Variants in PCK2 observed in about 807,000 individuals in gnomAD.
PCK2 encodes phosphoenolpyruvate carboxykinase [GTP], mitochondrial.
PCK2 carries 56 observed loss-of-function variants against 65.9 expected under a neutral mutation model. The observed-to-expected ratio is 0.85, with a 90% CI of 0.69 to 1.06. PCK2 has a LOEUF of 1.06. Among genes scored for constraint, PCK2 ranks in the 50% least tolerant of loss-of-function variants. The pLI is 0.00. For missense variants in PCK2, 843 were observed against 863.1 expected (o/e 0.98, Z 0.29); for synonymous variants, 305 against 319.6 (o/e 0.95, Z 0.49).
intron 7 of PCK2, among the ~76,000 whole-genome samples, chr14:24,100,910 A>G (rs1041276524): frequency 2.0e-5 from 3 of 152,204 alleles, no homozygotes; most frequent in African/African-American, 7.2e-5. Flanking sequence ...CCTCTCCCTC[A>G]GCCCTGCACT....
chr14:24,099,243 G>A lies in PCK2; in HGVS notation c.852+7G>A. On this transcript the variant is annotated splice_region_variant and intron_variant, in intron 5 of 9. Transcript: ENST00000216780. ...GCTGGCAGAGCACATGCTGGTGAGG[G>A]CCTGGTGAGAAGCAGGGCAGCTGCC... is the stretch of plus-strand genomic sequence containing the variant. 6.3e-7 allele frequency: 1 copy of A among 1,586,088 alleles called. No individual in the cohort carries two copies. The highest frequency in any genetic ancestry group is 8.6e-7 in the Non-Finnish European group (1 of 1,167,964).
chr14:24,099,794 A>C, intron 6 of PCK2, 74 bp downstream of exon 6: 1 of 1,528,174 alleles, frequency 6.5e-7, no homozygotes, highest in Non-Finnish European at 9.1e-7. Context: ...TAGTGTTCAC[A>C]ATGACTTTGT....
chr14:24,101,572 A>G (rs2037163093), intron 7 of PCK2, among the ~76,000 whole-genome samples: 2 of 152,156 alleles, frequency 1.3e-5, no homozygotes, highest in Non-Finnish European at 2.9e-5. Context: ...TTCCAGCCCT[A>G]TCACTTCATC....
chr14:24,100,070 A>G lies in PCK2; in HGVS notation c.1091A>G (p.Asn364Ser), dbSNP rs777031651. The G allele has an allele frequency of 6.2e-7, 1 of 1,612,954 alleles. No individual in the cohort carries two copies. Among genetic ancestry groups the G allele is most frequent in the African/African-American group, 1.3e-5 (1 of 74,984 alleles). The change falls in exon 7 of 10, where the codon AAC becomes AGC. Residue 364 changes from asparagine (N) to serine (S), a missense_variant. Transcript: ENST00000216780. ...GGTACCTCTGCCACCACCAATCCCAACGCCATGGCTACAATCCAGAGTAAC... is the reference window on the plus strand; with the variant it reads ...GGTACCTCTGCCACCACCAATCCCAGCGCCATGGCTACAATCCAGAGTAAC... ...APGTSATTNP[N>S]AMATIQSNTI...
chr14:24,094,359 C>G lies in PCK2; in HGVS notation c.-47C>G, dbSNP rs1197275899. The G allele has an allele frequency of 1.3e-6, 2 of 1,515,636 alleles. No homozygotes were observed. The highest frequency in any genetic ancestry group is 2.4e-5 in the South Asian group (2 of 83,552). 93.9% of individuals were successfully genotyped at this position (1,515,636 alleles called of 1,614,324 possible). A position where few individuals can be genotyped will look rare whatever the true frequency, so the allele number is the denominator to read the frequency against. ...TCCTTCCCCGCCTTCCATACCTCCC[C>G]GGCTCCGCTCGGTTCCTGGCCACCC... On this transcript the variant is annotated 5_prime_UTR_variant, in exon 1 of 10. Coordinates refer to ENST00000216780, the MANE Select transcript of PCK2 (RefSeq NM_004563.4). This position sits in a 1 kb window ranked among gnomAD's most constrained non-coding sequence, Gnocchi z 4.1.
At chr14:24,103,074 G>C (rs1594311164) in intron 8 of PCK2, 86 bp from the exon 9 acceptor site, 1 of 1,243,032 alleles carries the variant, frequency 8.0e-7, no homozygotes, top group South Asian at 1.2e-5. Flanking sequence ...TCTTAGGAGA[G>C]AGAGTACCAG....
At chr14:24,102,603 C>T in intron 7 of PCK2, 150 bp from the exon 8 acceptor site, 1 of 650,092 alleles carries the variant, frequency 1.5e-6, no homozygotes, top group Non-Finnish European at 2.7e-6. Context: ...TGCCCTGGCT[C>T]CCCTCTCTCT....
chr14:24,094,192 C>G, upstream of PCK2: 1 of 563,326 alleles, frequency 1.8e-6, no homozygotes, highest in Non-Finnish European at 3.1e-6. The surrounding 1 kb of genome is among the most constrained non-coding windows in gnomAD (Gnocchi z 4.1). Context: ...GAGCCTGGAG[C>G]CCCGGGGCCG....
At position 24,099,597 on chromosome 14, in the gene PCK2, G is replaced by A. The variant is rs763992590; in HGVS notation, c.892G>A (p.Val298Met). ...ITSPAGKKRY[V>M]AAAFPSACGK... ...CAGCCCTGCAGGGAAGAAGCGCTAT[G>A]TGGCAGCCGCCTTCCCTAGTGCCTG... The change falls in exon 6 of 10, where the codon GTG becomes ATG. Residue 298 changes from valine to methionine, a missense_variant. By Grantham distance (21) the Val-to-Met change is conservative (BLOSUM62 1). Transcript: ENST00000216780. The A allele has an allele frequency of 2.5e-6, 4 of 1,611,790 alleles. No homozygotes were observed. Among genetic ancestry groups the A allele is most frequent in the Non-Finnish European group, 3.4e-6 (4 of 1,178,744 alleles).
intron 4 of PCK2, 38 bp from the exon 5 acceptor site, chr14:24,099,011 T>C: frequency 6.6e-7 from 1 of 1,518,596 alleles, no homozygotes; most frequent in Admixed American, 1.7e-5. Context: ...CAGTTCCTGA[T>C]GCTGCTGCCA....
intron 7 of PCK2, 46 bp downstream of exon 7, chr14:24,100,259 C>T (rs780631374): frequency 6.2e-7 from 1 of 1,600,218 alleles, no homozygotes; most frequent in Non-Finnish European, 8.5e-7. Context: ...GGCCTCAGCA[C>T]CTTAATGGTG....
In PCK2 at chr14:24,103,747, G is replaced by T. The variant is rs539372532; in HGVS notation, c.1706G>T (p.Arg569Leu). The T allele has an allele frequency of 1.9e-6, 3 of 1,614,196 alleles. No homozygotes were observed. Among genetic ancestry groups the T allele is most frequent in the Non-Finnish European group, 2.5e-6 (3 of 1,180,034 alleles). The change falls in exon 10 of 10, where the codon CGA (arginine) becomes CTA (leucine). Residue 569 changes from arginine to leucine, a missense_variant. Arg to Leu is a moderately radical substitution (Grantham distance 102, BLOSUM62 -2). Transcript: ENST00000216780. Reference sequence around the variant, plus strand: ...CGGTTAGAGGGGGAGGACAGTGCCCGAGAGACACCCATTGGGCTGGTGCCA... The same window carrying T: ...CGGTTAGAGGGGGAGGACAGTGCCCTAGAGACACCCATTGGGCTGGTGCCA... ...CRRLEGEDSA[R>L]ETPIGLVPKE...
intron 9 of PCK2, 65 bp from the exon 10 acceptor site, chr14:24,103,445 T>G: frequency 6.5e-6 from 9 of 1,379,010 alleles, no homozygotes; most frequent in African/African-American, 1.4e-5. Flanking sequence ...TCCAACTGGA[T>G]GCAGGGTGCC....
rs2036908040 is a variant in PCK2, at chr14:24,096,877, C to G, written c.30-15C>G. The G allele has an allele frequency of 6.2e-7, 1 of 1,606,224 alleles. No individual in the cohort carries two copies. Among genetic ancestry groups the G allele is most frequent in the East Asian group, 2.2e-5 (1 of 44,692 alleles). ...GATGACAGCAACTAGCTCATTGCCT[C>G]TGTTTCTCCTATAGGCTTAACTGGC... On this transcript the variant is annotated splice_polypyrimidine_tract_variant and intron_variant, in intron 1 of 9. Coordinates refer to ENST00000216780, the MANE Select transcript of PCK2 (RefSeq NM_004563.4).
At chr14:24,098,922 G>C in intron 4 of PCK2, 127 bp from the exon 5 acceptor site, 1 of 781,440 alleles carries the variant, frequency 1.3e-6, no homozygotes, top group East Asian at 2.4e-5. Context: ...GAGGTGGGGG[G>C]CTTCAGCCAC....
chr14:24,099,971 C>A (rs759010389), intron 6 of PCK2, 24 bp from the exon 7 acceptor site: 3 of 1,614,190 alleles, frequency 1.9e-6, no homozygotes, highest in East Asian at 4.5e-5. Context: ...TTTGGTCCTT[C>A]CTTTCTTTCA....
At chr14:24,099,744 C>G in intron 6 of PCK2, 24 bp downstream of exon 6, 1 of 1,607,168 alleles carries the variant, frequency 6.2e-7, no homozygotes, top group Non-Finnish European at 8.5e-7. Flanking sequence ...AGATCATACT[C>G]TTGGTTCTGG....
chr14:24,094,309 C>T, upstream of PCK2: 4 of 1,254,884 alleles, frequency 3.2e-6, no homozygotes, highest in Non-Finnish European at 4.5e-6. The surrounding 1 kb of genome is among the most constrained non-coding windows in gnomAD (Gnocchi z 4.1). Context: ...CCAGCCTCTG[C>T]TGTGGCTCGC....
chr14:24,103,106 G>A lies in PCK2; in HGVS notation c.1373-54G>A. The A allele has an allele frequency of 2.8e-6, 4 of 1,418,148 alleles. No individual in the cohort carries two copies. The South Asian group carries it at 4.6e-5, about 16-fold the overall frequency. 87.8% of individuals were successfully genotyped at this position (1,418,148 alleles called of 1,614,324 possible). Reference sequence around the variant, plus strand: ...CCAGTCAAGCTCACCAGAAGGGCTGGAGTTAGGGTCCAAAGAAAAGGGCTG... The same window carrying A: ...CCAGTCAAGCTCACCAGAAGGGCTGAAGTTAGGGTCCAAAGAAAAGGGCTG... On this transcript the variant is annotated intron_variant, in intron 8 of 9. Coordinates refer to ENST00000216780, the MANE Select transcript of PCK2 (RefSeq NM_004563.4).
Sources: gnomAD v4.1 joint callset for allele counts (sites outside exome capture counted in the v4.1 genomes callset) on GRCh38, gnomAD v4.1.1 for gene constraint, Gnocchi (gnomAD v3.1) non-coding constraint, MANE v1.5 for transcripts, NCBI Gene and HGNC (gene_info 2026-07-23, HGNC 2026-07-21) for gene names.